USP34: variants seen among roughly 807,000 people sequenced by gnomAD.
The protein encoded by USP34 is ubiquitin carboxyl-terminal hydrolase 34.
Under a neutral mutation model 460.3 loss-of-function variants are expected in USP34, and 70 were observed. That is an observed-to-expected ratio of 0.15 (90% CI 0.13 to 0.19). The LOEUF is 0.19. USP34 is among the 10% of genes least tolerant of loss of function. The pLI is 1.00. For missense variants in USP34, 3,985 were observed against 4,236.2 expected, an observed-to-expected ratio of 0.94 and a Z score of 1.65; for synonymous variants, 1,647 against 1,405.3, an observed-to-expected ratio of 1.17 and a Z score of -3.85.
intron 53 of USP34, among the ~76,000 whole-genome samples, chr2:61,237,617 G>A (rs139452727): frequency 1.4e-3 from 193 of 141,598 alleles, no homozygotes; most frequent in Middle Eastern, 7.6e-3. Context: ...ACCTGGGCTG[G>A]AGTGCAGCAG....
chr2:61,260,180 A>C (rs764362869), intron 43 of USP34, among the ~76,000 whole-genome samples: 25 of 152,338 alleles, frequency 1.6e-4, no homozygotes, highest in Middle Eastern at 3.4e-3. Context: ...TCATTTATTC[A>C]TATCTTTACT....
intron 8 of USP34, among the ~76,000 whole-genome samples, chr2:61,377,869 C>T (rs1397845900): frequency 6.6e-6 from 1 of 152,138 alleles, no homozygotes; most frequent in Non-Finnish European, 1.5e-5. Context: ...ACTATATGTT[C>T]GCATACGCTT....
At chr2:61,246,629 T>A in intron 49 of USP34, 152 bp from the exon 50 acceptor site, 1 of 564,418 alleles carries the variant, frequency 1.8e-6, no homozygotes, top group Non-Finnish European at 2.7e-6. Context: ...TTACTTAGAA[T>A]CACTTTTATA....
chr2:61,467,768 C>T (rs1695820582), intron 1 of USP34, among the ~76,000 whole-genome samples: 1 of 151,592 alleles, frequency 6.6e-6, no homozygotes, highest in South Asian at 2.1e-4. Flanking sequence ...CTACAGATGC[C>T]TACACCACCA....
intron 67 of USP34, among the ~76,000 whole-genome samples, chr2:61,215,199 G>C (rs1281011270): frequency 6.6e-6 from 1 of 152,198 alleles, no homozygotes; most frequent in Non-Finnish European, 1.5e-5. Flanking sequence ...ATACATAAAA[G>C]TTCAATATAT....
intron 7 of USP34, among the ~76,000 whole-genome samples, chr2:61,379,499 C>T (rs1692909530): frequency 1.3e-5 from 2 of 151,994 alleles, no homozygotes; most frequent in Admixed American, 1.3e-4. Context: ...CAGAATGGGA[C>T]TCCATCTCCA....
chr2:61,468,140 AC>A (rs1240153472), intron 1 of USP34, among the ~76,000 whole-genome samples: 2 of 152,188 alleles, frequency 1.3e-5, no homozygotes, highest in Admixed American at 6.6e-5. Context: ...AGAAAAAAAA[AC>A]AACTTTTAAT....
In USP34 at chr2:61,206,747, G is replaced by T; in HGVS notation, c.9046+13C>A. 1 of 1,611,950 alleles carries T rather than the reference G, an allele frequency of 6.2e-7. No individual in the cohort carries two copies. Among genetic ancestry groups the T allele is most frequent in the Non-Finnish European group, 8.5e-7 (1 of 1,179,206 alleles). ...TAGCACGAACAAAACATAAGAAGTAGGAATGAGCAAACCTTTTCTCTGAAG... is the reference window on the plus strand; with the variant it reads ...TAGCACGAACAAAACATAAGAAGTATGAATGAGCAAACCTTTTCTCTGAAG... On this transcript the variant is annotated intron_variant, in intron 71 of 79. Transcript: ENST00000398571.
At chr2:61,366,877 G>A (rs567731714) in intron 10 of USP34, among the ~76,000 whole-genome samples, 34 of 152,104 alleles carry the variant, frequency 2.2e-4, no homozygotes, top group African/African-American at 6.5e-4. Context: ...GCAAAGCCTC[G>A]TCTCTGCAAA....
intron 3 of USP34, among the ~76,000 whole-genome samples, chr2:61,403,884 T>G (rs1052561955): frequency 7.4e-5 from 11 of 147,952 alleles, no homozygotes; most frequent in Admixed American, 2.1e-4. Flanking sequence ...TCCCAGCTAC[T>G]CAGGAGGCTG....
intron 58 of USP34, among the ~76,000 whole-genome samples, chr2:61,230,268 G>A (rs1187141983): frequency 6.6e-6 from 1 of 152,132 alleles, no homozygotes; most frequent in East Asian, 1.9e-4. Flanking sequence ...AGTGGCTCAA[G>A]CCTATAATCC....
At chr2:61,315,634 C>G (rs1572927611) in intron 23 of USP34, among the ~76,000 whole-genome samples, 1 of 152,076 alleles carries the variant, frequency 6.6e-6, no homozygotes, top group Non-Finnish European at 1.5e-5. Flanking sequence ...CTCAGCCTCT[C>G]AAAGAGGTGG....
intron 75 of USP34, among the ~76,000 whole-genome samples, chr2:61,199,387 C>G (rs1178320500): frequency 1.3e-5 from 2 of 152,150 alleles, no homozygotes; most frequent in South Asian, 4.1e-4. Context: ...ACCCGAGTAG[C>G]TGGGATTTCA....
intron 8 of USP34, among the ~76,000 whole-genome samples, chr2:61,375,991 T>G (rs1262583686): frequency 2.8e-4 from 42 of 152,076 alleles, no homozygotes; most frequent in Admixed American, 2.8e-3. Context: ...TGATTCCTTT[T>G]AAATGAAATA....
At chr2:61,355,517 G>T (rs1692075698) in intron 10 of USP34, among the ~76,000 whole-genome samples, 1 of 152,122 alleles carries the variant, frequency 6.6e-6, no homozygotes, top group African/African-American at 2.4e-5. Context: ...GGTATAAATT[G>T]AAATTAGATT....
chr2:61,382,722 C>A (rs576615250), intron 6 of USP34, among the ~76,000 whole-genome samples: 9 of 152,292 alleles, frequency 5.9e-5, no homozygotes, highest in African/African-American at 2.2e-4. Flanking sequence ...CTTTCTCCAT[C>A]TTCTTAGGCT....
intron 3 of USP34, among the ~76,000 whole-genome samples, chr2:61,402,867 A>G (rs1381932733): frequency 1.3e-5 from 2 of 152,266 alleles, no homozygotes; most frequent in Admixed American, 1.3e-4. Flanking sequence ...AAATTTATAC[A>G]TATATATAAT....
intron 48 of USP34, among the ~76,000 whole-genome samples, chr2:61,254,843 T>A (rs1489290553): frequency 6.6e-6 from 1 of 152,100 alleles, no homozygotes; most frequent in Non-Finnish European, 1.5e-5. Flanking sequence ...GTAGAACAAG[T>A]ATAGCATTTT....
intron 48 of USP34, chr2:61,249,660 C>T (rs970912414): frequency 2.6e-5 from 4 of 152,922 alleles, no homozygotes; most frequent in African/African-American, 9.6e-5. Context: ...AAGGGCAGCC[C>T]GATGCCTGGC....
Sources: allele counts gnomAD v4.1 joint callset (sites outside exome capture counted in the v4.1 genomes callset), GRCh38; gene constraint gnomAD v4.1.1; transcripts MANE v1.5; gene names NCBI Gene and HGNC (gene_info 2026-07-23, HGNC 2026-07-21).